The following ATF7 variants were observed in gnomAD, a reference collection of about 807,000 sequenced individuals.
ATF7 encodes the protein cyclic AMP-dependent transcription factor ATF-7.
In ATF7, 10 loss-of-function variants were observed where a neutral mutation model predicts 50.4. The observed-to-expected ratio is 0.20, with a 90% CI of 0.12 to 0.34. The LOEUF is 0.34. Ranked by LOEUF, ATF7 falls within the 10% of genes least tolerant of loss-of-function variation. ATF7 has a pLI of 1.00. For synonymous variants in ATF7, 201 were observed against 226.4 expected (o/e 0.89, Z 1.01); for missense variants, 465 against 613.9 (o/e 0.76, Z 2.56).
chr12:53,614,839 G>C (rs1308689682), intron 1 of ATF7, among the ~76,000 whole-genome samples: 1 of 152,208 alleles, frequency 6.6e-6, no homozygotes, highest in Non-Finnish European at 1.5e-5. Flanking sequence ...CCAGCACTTT[G>C]GGAGGCCAAG....
intron 2 of ATF7, among the ~76,000 whole-genome samples, chr12:53,560,553 A>G (rs1293962999): frequency 6.6e-6 from 1 of 152,194 alleles, no homozygotes; most frequent in East Asian, 1.9e-4. Context: ...ATTTCTCTGC[A>G]ATATGCACTC....
chr12:53,584,809 C>A (rs899822223), intron 2 of ATF7, among the ~76,000 whole-genome samples: 1 of 152,042 alleles, frequency 6.6e-6, no homozygotes, highest in Admixed American at 6.6e-5. Flanking sequence ...TTGTATGATT[C>A]CAACTAAACA....
chr12:53,562,535 C>A (rs1011147054), intron 2 of ATF7, among the ~76,000 whole-genome samples: 1 of 151,882 alleles, frequency 6.6e-6, no homozygotes, highest in African/African-American at 2.4e-5. Flanking sequence ...CCCAGCTACT[C>A]GGGAGGCTGA....
In ATF7 at chr12:53,572,787, A is replaced by T. The variant is rs968805052; in HGVS notation, c.49-20150T>A. Among the ~76,000 whole-genome samples, 192 of 142,478 alleles carry T rather than the reference A, an allele frequency of 1.3e-3. 2 individuals are homozygous for T. In the East Asian group the frequency reaches 0.029, roughly 22 times the overall value. The allele number at this position is 142,478 out of a possible 152,430, so 93.5% of individuals were successfully genotyped here. On this transcript the variant is annotated intron_variant, in intron 2 of 11. Coordinates refer to ENST00000420353, the MANE Select transcript of ATF7 (RefSeq NM_006856.3). ...TAGAGTGAGACCCTGCCTCTATTTA[A>T]TTTTTTTTTTTTTTTTGAGAGAGAA...
At chr12:53,591,251 C>T (rs764602751) in intron 2 of ATF7, among the ~76,000 whole-genome samples, 32 of 150,516 alleles carry the variant, frequency 2.1e-4, no homozygotes, top group African/African-American at 3.2e-4. Context: ...ACCAGTACCA[C>T]GGCTAATAAG....
chr12:53,579,626 T>C (rs1942294183), intron 2 of ATF7, among the ~76,000 whole-genome samples: 1 of 151,538 alleles, frequency 6.6e-6, no homozygotes. Context: ...TCTATGGTAG[T>C]GTCTTTAGGG....
chr12:53,518,697 G>A (rs1423287569), intron 11 of ATF7, among the ~76,000 whole-genome samples: 1 of 152,136 alleles, frequency 6.6e-6, no homozygotes, highest in South Asian at 2.1e-4. Context: ...AAAGGCAAAC[G>A]TTCCATAGTC....
At chr12:53,547,109 C>T (rs1441822522) in intron 3 of ATF7, among the ~76,000 whole-genome samples, 29 of 150,848 alleles carry the variant, frequency 1.9e-4, no homozygotes, top group Non-Finnish European at 3.0e-4. Flanking sequence ...CTCAGCCTCC[C>T]GAGTAGCTGG....
At chr12:53,554,870 GAAAAAAAAAAAA>G (rs61675595) in intron 2 of ATF7, among the ~76,000 whole-genome samples, 1 of 76,048 alleles carries the variant, frequency 1.3e-5, no homozygotes, top group African/African-American at 4.9e-5. Flanking sequence ...CTCAAAAAAA[GAAAAAAAAAAAA>G]AAAAAAAAAA....
At position 53,534,027 on chromosome 12, in the gene ATF7, C is replaced by T. The variant is rs555150052; in HGVS notation, c.560+475G>A. 4.1e-4 allele frequency among the ~76,000 whole-genome samples: 63 copies of T among 152,326 alleles called. 1 individual carries two copies. The highest frequency in any genetic ancestry group is 3.4e-3 in the Middle Eastern group (1 of 294). ...GCACGGTGGCTCACGCCTGTAATCC[C>T]GGCACTTTGGGAGGCAGAGGCAGGC... On this transcript the variant is annotated intron_variant, in intron 6 of 11. Coordinates refer to ENST00000420353, the MANE Select transcript of ATF7 (RefSeq NM_006856.3).
At chr12:53,511,081 CCA>C (rs1055830455), downstream of ATF7, among the ~76,000 whole-genome samples, 1 of 152,200 alleles carries the variant, frequency 6.6e-6, no homozygotes, top group Non-Finnish European at 1.5e-5. Context: ...CTGGGAAACT[CCA>C]GAGACACCTG....
chr12:53,609,741 T>C (rs1185686060), intron 1 of ATF7, among the ~76,000 whole-genome samples: 1 of 151,802 alleles, frequency 6.6e-6, no homozygotes, highest in Non-Finnish European at 1.5e-5. Context: ...CTAAATCAAA[T>C]GTCCCAAAAG....
intron 2 of ATF7, among the ~76,000 whole-genome samples, chr12:53,587,820 C>CATATATATATATATATATATGT (rs1356352505): frequency 1.0e-3 from 67 of 67,014 alleles, no homozygotes; most frequent in African/African-American, 2.7e-3. Context: ...TATACTTCTA[C>CATATATATATATATATATATGT]ATATATATAT....
At chr12:53,608,591 C>A (rs1251657769) in intron 1 of ATF7, among the ~76,000 whole-genome samples, 2 of 152,116 alleles carry the variant, frequency 1.3e-5, no homozygotes, top group South Asian at 4.1e-4. Flanking sequence ...GAATATAGAG[C>A]TGAAACCAAG....
intron 2 of ATF7, among the ~76,000 whole-genome samples, chr12:53,552,841 C>T (rs534592053): frequency 2.6e-5 from 4 of 152,178 alleles, no homozygotes; most frequent in Admixed American, 2.6e-4. Flanking sequence ...GGGAAGACCA[C>T]AACACCAACT....
chr12:53,533,090 T>C lies in ATF7; in HGVS notation c.660+70A>G, dbSNP rs957006365. The C allele has an allele frequency of 3.6e-6, 5 of 1,376,412 alleles. No individual in the cohort carries two copies. In the African/African-American group the frequency reaches 7.2e-5, roughly 20 times the overall value. The allele number at this position is 1,376,412 out of a possible 1,614,324, so 85.3% of individuals were successfully genotyped here. On this transcript the variant is annotated intron_variant, in intron 7 of 11. Transcript: ENST00000420353. The stretch of plus-strand genomic sequence containing the variant: ...ATTTCCCTGGGGCTCATGTGTATTT[T>C]ATGACCATTCAGGTGGAAGGGAAGG...
At chr12:53,594,657 G>C (rs2137789435) in intron 2 of ATF7, among the ~76,000 whole-genome samples, 1 of 152,276 alleles carries the variant, frequency 6.6e-6, no homozygotes, top group Non-Finnish European at 1.5e-5. Flanking sequence ...GGAGGCTGAG[G>C]CAGGCGGATC....
intron 2 of ATF7, among the ~76,000 whole-genome samples, chr12:53,555,806 C>T (rs1362165078): frequency 3.4e-5 from 5 of 148,298 alleles, no homozygotes; most frequent in Non-Finnish European, 6.0e-5. Context: ...CATCATGCCC[C>T]GTCTTTTTTT....
At chr12:53,591,858 C>T (rs1373424236) in intron 2 of ATF7, among the ~76,000 whole-genome samples, 1 of 152,194 alleles carries the variant, frequency 6.6e-6, no homozygotes, top group Non-Finnish European at 1.5e-5. Context: ...TCTACAATGA[C>T]TCAAAGGACA....
Sources: gnomAD v4.1 joint callset for allele counts (sites outside exome capture counted in the v4.1 genomes callset) on GRCh38, gnomAD v4.1.1 for gene constraint, MANE v1.5 for transcripts, NCBI Gene and HGNC (gene_info 2026-07-23, HGNC 2026-07-21) for gene names.